The following NRF1 variants were observed in gnomAD, a reference collection of about 807,000 sequenced individuals.
NRF1 encodes the protein nuclear respiratory factor 1, also known as alpha palindromic-binding protein.
A neutral mutation model predicts 58.5 loss-of-function variants in NRF1; 5 were observed. That is an observed-to-expected ratio of 0.09 (90% CI 0.04 to 0.18). The LOEUF (loss-of-function observed/expected upper bound fraction) is 0.18, where lower values mean the gene tolerates loss of function less well. Among genes scored for constraint, NRF1 ranks in the 10% least tolerant of loss-of-function variants. NRF1 has a pLI of 1.00. For missense variants in NRF1, 288 were observed against 657.7 expected (o/e 0.44, Z 6.15); for synonymous variants, 224 against 246.7 (o/e 0.91, Z 0.86).
At chr7:129,682,647 A>G (rs1802346501) in intron 4 of NRF1, among the ~76,000 whole-genome samples, 4 of 151,184 alleles carry the variant, frequency 2.6e-5, no homozygotes, top group Non-Finnish European at 4.4e-5. Context: ...AAAAAAAAAA[A>G]AAAAAGGATC....
chr7:129,636,348 T>A (rs1801168637), intron 1 of NRF1, among the ~76,000 whole-genome samples: 1 of 152,044 alleles, frequency 6.6e-6, no homozygotes, highest in African/African-American at 2.4e-5. Flanking sequence ...GATTCTTGTG[T>A]CTCAGCCTCT....
intron 1 of NRF1, among the ~76,000 whole-genome samples, chr7:129,656,477 G>A (rs944781760): frequency 2.0e-5 from 3 of 151,928 alleles, no homozygotes; most frequent in Non-Finnish European, 2.9e-5. Flanking sequence ...GATTATAAGT[G>A]TAATAGAAGA....
In NRF1 at chr7:129,677,007, A is replaced by ATTTTTT. The variant is rs56059756; in HGVS notation, c.339-609_339-604dup. The stretch of plus-strand genomic sequence containing the variant: ...TTCTGTAAGAGCACATCTTGGTTGC[A>ATTTTTT]TTTTTTTTTTTTTTTTTTTTTGAGA... On this transcript the variant is annotated intron_variant, in intron 3 of 10. Coordinates refer to ENST00000393232, the MANE Select transcript of NRF1 (RefSeq NM_005011.5). Among the ~76,000 whole-genome samples the ATTTTTT allele has an allele frequency of 1.6e-3, 185 of 113,452 alleles. 6 individuals carry two copies. Among genetic ancestry groups the ATTTTTT allele is most frequent in the Middle Eastern group, 5.6e-3 (1 of 178 alleles). The allele number at this position is 113,452 out of a possible 152,430, so 74.4% of individuals were successfully genotyped here.
chr7:129,747,935 ATAT>A (rs1202188918), intron 10 of NRF1, among the ~76,000 whole-genome samples: 2 of 152,218 alleles, frequency 1.3e-5, no homozygotes, highest in East Asian at 3.9e-4. Flanking sequence ...TTTTCATATC[ATAT>A]TCAATTATTG....
chr7:129,620,681 G>A (rs1319744891), intron 1 of NRF1, among the ~76,000 whole-genome samples: 2 of 152,056 alleles, frequency 1.3e-5, no homozygotes, highest in Non-Finnish European at 2.9e-5. Context: ...CCACCGCACT[G>A]GGCCCAAATT....
chr7:129,627,947 A>T (rs1483018102), intron 1 of NRF1, among the ~76,000 whole-genome samples: 1 of 151,946 alleles, frequency 6.6e-6, no homozygotes, highest in African/African-American at 2.4e-5. Context: ...AATGCCCAGG[A>T]ATAGAAGGAC....
chr7:129,659,073 CTTTTTTTTTTTTT>C (rs780109640), intron 2 of NRF1, among the ~76,000 whole-genome samples: 3 of 88,184 alleles, frequency 3.4e-5, no homozygotes, highest in African/African-American at 5.0e-5. Flanking sequence ...CACCACAGGA[CTTTTTTTTTTTTT>C]TTTTTTTTTT....
intron 5 of NRF1, among the ~76,000 whole-genome samples, chr7:129,692,512 C>T (rs908009575): frequency 1.3e-5 from 2 of 152,064 alleles, no homozygotes; most frequent in Non-Finnish European, 2.9e-5. Context: ...GAGATTGTGC[C>T]ACTGCACTCC....
intron 6 of NRF1, among the ~76,000 whole-genome samples, chr7:129,710,108 G>A (rs566361858): frequency 1.3e-5 from 2 of 152,200 alleles, no homozygotes; most frequent in African/African-American, 4.8e-5. Flanking sequence ...ATCTTTCTTT[G>A]CAAGAAGTTT....
At chr7:129,632,498 A>G (rs17555614) in intron 1 of NRF1, among the ~76,000 whole-genome samples, 4,026 of 152,244 alleles carry the variant, frequency 0.026, 63 homozygotes, top group Middle Eastern at 0.075. Flanking sequence ...TAAAAATCAC[A>G]GTTATTGTTG....
chr7:129,672,685 T>C (rs1802077410), intron 3 of NRF1, among the ~76,000 whole-genome samples: 1 of 152,112 alleles, frequency 6.6e-6, no homozygotes, highest in South Asian at 2.1e-4. Flanking sequence ...TGATTTTTGG[T>C]CTGATTACTA....
chr7:129,707,151 A>G (rs1802968502), intron 5 of NRF1, among the ~76,000 whole-genome samples: 1 of 151,954 alleles, frequency 6.6e-6, no homozygotes, highest in Non-Finnish European at 1.5e-5. Flanking sequence ...GTGCCACTGT[A>G]ACCGACTGAG....
intron 2 of NRF1, among the ~76,000 whole-genome samples, chr7:129,661,071 T>G (rs1328182696): frequency 2.0e-5 from 3 of 151,418 alleles, no homozygotes; most frequent in Non-Finnish European, 4.4e-5. Flanking sequence ...CTGCTAAGGC[T>G]TGGGGCTTGC....
chr7:129,618,980 A>C (rs1243001338), intron 1 of NRF1, among the ~76,000 whole-genome samples: 1 of 152,138 alleles, frequency 6.6e-6, no homozygotes, highest in Non-Finnish European at 1.5e-5. Context: ...GGAATTTTCC[A>C]CTTGTGGCAT....
chr7:129,696,306 C>T (rs1161661709), intron 5 of NRF1, among the ~76,000 whole-genome samples: 2 of 152,068 alleles, frequency 1.3e-5, no homozygotes, highest in Admixed American at 6.6e-5. Context: ...CTTTGTTTTA[C>T]GCAAAGATTA....
intron 1 of NRF1, among the ~76,000 whole-genome samples, chr7:129,619,486 G>A (rs1439725330): frequency 0.11 from 3,445 of 31,750 alleles, 108 homozygotes; most frequent in Non-Finnish European, 0.14. Flanking sequence ...GTGTGTGTGT[G>A]TGTGTATATA....
At chr7:129,701,553 C>T (rs1802824987) in intron 5 of NRF1, among the ~76,000 whole-genome samples, 2 of 150,912 alleles carry the variant, frequency 1.3e-5, no homozygotes, top group African/African-American at 4.9e-5. Context: ...CGAGACCACA[C>T]CACTGCACTC....
rs779548887 is a variant in NRF1, at chr7:129,690,485, A to G, written c.545A>G (p.Asn182Ser). Residue 182 changes from asparagine to serine, a missense_variant, in exon 5 of 11, where the codon AAC becomes AGC. Physicochemically the swap from Asn to Ser is conservative, Grantham distance 46. Coordinates refer to ENST00000393232, the MANE Select transcript of NRF1 (RefSeq NM_005011.5). ...AEHAPAPQEV[N>S]SELPPLTIDG... ...CACGCCCCTGCGCCACAGGAGGTTA[A>G]CTCAGAACTGCCGCCTCTCACCATC... 1.2e-6 allele frequency: 2 copies of G among 1,614,170 alleles called. No homozygotes were observed. The highest frequency in any genetic ancestry group is 1.7e-6 in the Non-Finnish European group (2 of 1,180,034).
At chr7:129,700,056 G>T (rs896646627) in intron 5 of NRF1, among the ~76,000 whole-genome samples, 1 of 151,316 alleles carries the variant, frequency 6.6e-6, no homozygotes, top group Non-Finnish European at 1.5e-5. Context: ...CAGGAGAATC[G>T]CTTGAACCTA....
Sources: allele counts gnomAD v4.1 joint callset (sites outside exome capture counted in the v4.1 genomes callset), GRCh38; gene constraint gnomAD v4.1.1; transcripts MANE v1.5; gene names NCBI Gene and HGNC (gene_info 2026-07-23, HGNC 2026-07-21).